Variants in PRTFDC1 observed in about 807,000 individuals in gnomAD.
The protein encoded by PRTFDC1 is phosphoribosyl transferase domain containing 1.
PRTFDC1 carries 38 observed loss-of-function variants against 34.6 expected under a neutral mutation model. The ratio of observed to expected loss-of-function variants is 1.10; its 90% CI spans 0.85 to 1.44. PRTFDC1 has a LOEUF of 1.44. Among genes scored for constraint, PRTFDC1 ranks in the 40% most tolerant of loss-of-function variants. The pLI, the probability that PRTFDC1 is intolerant of heterozygous loss-of-function variation, is 0.00. For missense variants in PRTFDC1, 270 were observed against 283.0 expected, an observed-to-expected ratio of 0.95 and a Z score of 0.33; for synonymous variants, 93 against 98.1, an observed-to-expected ratio of 0.95 and a Z score of 0.31.
chr10:24,906,902 A>T (rs1379508460), intron 3 of PRTFDC1, among the ~76,000 whole-genome samples: 2 of 152,174 alleles, frequency 1.3e-5, no homozygotes, highest in Non-Finnish European at 2.9e-5. Context: ...TGGCACTGTT[A>T]TTGGCTTTAC....
intron 3 of PRTFDC1, among the ~76,000 whole-genome samples, chr10:24,876,272 T>C (rs1048381527): frequency 6.6e-6 from 1 of 152,096 alleles, no homozygotes; most frequent in Non-Finnish European, 1.5e-5. Context: ...TGGTTACTTT[T>C]GTACATTTTT....
intron 2 of PRTFDC1, among the ~76,000 whole-genome samples, chr10:24,938,444 G>A (rs955378679): frequency 6.6e-6 from 1 of 152,220 alleles, no homozygotes; most frequent in Admixed American, 6.5e-5. Context: ...GCATTCTTGT[G>A]TGGGGATGCT....
intron 3 of PRTFDC1, among the ~76,000 whole-genome samples, chr10:24,907,432 TA>T (rs1848555275): frequency 6.6e-6 from 1 of 151,972 alleles, no homozygotes; most frequent in Non-Finnish European, 1.5e-5. Flanking sequence ...CCATCTCTAC[TA>T]AAAAATATAA....
chr10:24,918,799 T>C (rs978742232), intron 3 of PRTFDC1, among the ~76,000 whole-genome samples: 2 of 152,176 alleles, frequency 1.3e-5, no homozygotes, highest in African/African-American at 4.8e-5. Flanking sequence ...GATCTTGAAA[T>C]CCAACCTCAT....
intron 3 of PRTFDC1, among the ~76,000 whole-genome samples, chr10:24,929,903 C>T (rs1848945402): frequency 6.6e-6 from 1 of 152,162 alleles, no homozygotes; most frequent in South Asian, 2.1e-4. Context: ...CCTGATAGAG[C>T]TTTCTCAAAA....
At chr10:24,912,954 G>A (rs1200822174) in intron 3 of PRTFDC1, among the ~76,000 whole-genome samples, 3 of 152,078 alleles carry the variant, frequency 2.0e-5, no homozygotes, top group African/African-American at 7.2e-5. Flanking sequence ...TTCCAAAGCC[G>A]TCCCTTTACT....
chr10:24,914,109 T>G (rs954965818), intron 3 of PRTFDC1, among the ~76,000 whole-genome samples: 3 of 152,270 alleles, frequency 2.0e-5, no homozygotes, highest in South Asian at 2.1e-4. Context: ...TCAAATCAGA[T>G]AGAAAATAAA....
At chr10:24,872,357 G>C (rs1847885414) in intron 3 of PRTFDC1, among the ~76,000 whole-genome samples, 1 of 152,136 alleles carries the variant, frequency 6.6e-6, no homozygotes, top group Admixed American at 6.5e-5. Context: ...AGGTGTCTGA[G>C]CCTATCCTGG....
intron 3 of PRTFDC1, chr10:24,908,479 T>A: frequency 6.2e-7 from 1 of 1,609,452 alleles, no homozygotes; most frequent in Non-Finnish European, 8.5e-7. Flanking sequence ...CAGGTGCTAC[T>A]GTACACCTCA....
intron 4 of PRTFDC1, among the ~76,000 whole-genome samples, chr10:24,861,469 C>A (rs1468435396): frequency 6.6e-6 from 1 of 152,096 alleles, no homozygotes; most frequent in Non-Finnish European, 1.5e-5. Flanking sequence ...CACTGCACTC[C>A]AGCCTGGGCA....
At chr10:24,863,516 C>G (rs1316638739) in intron 4 of PRTFDC1, among the ~76,000 whole-genome samples, 1 of 152,184 alleles carries the variant, frequency 6.6e-6, no homozygotes, top group East Asian at 1.9e-4. Flanking sequence ...TGCCTGCTAA[C>G]ACAACATCCA....
chr10:24,908,093 T>C (rs1172057236), intron 3 of PRTFDC1, among the ~76,000 whole-genome samples: 1 of 152,052 alleles, frequency 6.6e-6, no homozygotes, highest in African/African-American at 2.4e-5. Context: ...TCCAAGACAT[T>C]TAAAATGAAT....
rs550080922 is a variant in PRTFDC1 at position 24,853,133 on chromosome 10, C to T, written c.554-1669G>A. Among the ~76,000 whole-genome samples, 107 of 151,912 alleles carry T rather than the reference C, an allele frequency of 7.0e-4. 1 individual carries two copies. Among genetic ancestry groups the T allele is most frequent in the African/African-American group, 1.8e-3 (75 of 41,428 alleles). Reference sequence around the variant, plus strand: ...GAAAGAATCAATCAGGAGAAAGGAACGCAAAGTACAAAGCCTCATAAATCC... The same window carrying T: ...GAAAGAATCAATCAGGAGAAAGGAATGCAAAGTACAAAGCCTCATAAATCC... On this transcript the variant is annotated intron_variant, in intron 7 of 8. Transcript: ENST00000320152.
chr10:24,869,821 G>A (rs1223893714), intron 4 of PRTFDC1, among the ~76,000 whole-genome samples: 1 of 152,180 alleles, frequency 6.6e-6, no homozygotes, highest in Non-Finnish European at 1.5e-5. Flanking sequence ...CAGCTGGTGG[G>A]TGTGTCCTTG....
intron 4 of PRTFDC1, among the ~76,000 whole-genome samples, chr10:24,868,452 T>C (rs1847823268): frequency 6.6e-6 from 1 of 152,138 alleles, no homozygotes; most frequent in African/African-American, 2.4e-5. Context: ...ATGATAAATG[T>C]ACTTTAAATG....
rs138671346 is a variant in PRTFDC1, at chr10:24,854,187, T to C, written c.553+1131A>G. Among the ~76,000 whole-genome samples, 933 of 152,362 alleles carry C rather than the reference T, an allele frequency of 6.1e-3. 12 individuals are homozygous for C. Among genetic ancestry groups the C allele is most frequent in the African/African-American group, 0.021 (874 of 41,588 alleles). ...ATAAGAAATTTGTCATTGAAGTGAA[T>C]GTTTTTCAACTTCAGTTAAAATCTT... On this transcript the variant is annotated intron_variant, in intron 7 of 8. Coordinates refer to ENST00000320152, the MANE Select transcript of PRTFDC1 (RefSeq NM_020200.7).
At chr10:24,925,277 C>T (rs1435309526) in intron 3 of PRTFDC1, among the ~76,000 whole-genome samples, 2 of 152,084 alleles carry the variant, frequency 1.3e-5, no homozygotes, top group African/African-American at 4.8e-5. Context: ...AATGAGAACA[C>T]ATGGACACAG....
At chr10:24,886,526 C>T (rs1215095977) in intron 3 of PRTFDC1, among the ~76,000 whole-genome samples, 1 of 152,190 alleles carries the variant, frequency 6.6e-6, no homozygotes, top group Non-Finnish European at 1.5e-5. Flanking sequence ...GTGACCTGCA[C>T]TCTAGTGTGT....
intron 3 of PRTFDC1, among the ~76,000 whole-genome samples, chr10:24,894,508 G>A (rs1451090264): frequency 6.6e-6 from 1 of 152,156 alleles, no homozygotes; most frequent in East Asian, 1.9e-4. Context: ...GTCTGTCACA[G>A]TCATGTGTAG....
Sources: allele counts gnomAD v4.1 joint callset (sites outside exome capture counted in the v4.1 genomes callset), GRCh38; gene constraint gnomAD v4.1.1; transcripts MANE v1.5; gene names NCBI Gene and HGNC (gene_info 2026-07-23, HGNC 2026-07-21).